Variants in EOGT observed in about 807,000 individuals in gnomAD.
The protein encoded by EOGT is EGF domain-specific O-linked N-acetylglucosamine transferase.
In EOGT, 55 loss-of-function variants were observed where a neutral mutation model predicts 70.5. That is an observed-to-expected ratio of 0.78 (90% CI 0.63 to 0.98). The LOEUF (loss-of-function observed/expected upper bound fraction) is 0.98. EOGT is among the 50% of genes least tolerant of loss of function. The pLI is 0.00. For missense variants in EOGT, 703 were observed against 641.9 expected (o/e 1.10, Z -1.03); for synonymous variants, 246 against 217.1 (o/e 1.13, Z -1.17).
chr3:68,986,936 G>A (rs1016524834), intron 14 of EOGT, among the ~76,000 whole-genome samples: 4 of 152,178 alleles, frequency 2.6e-5, no homozygotes, highest in Admixed American at 2.6e-4. Flanking sequence ...TGATGTTGTA[G>A]GTAGTGGCCT....
intron 17 of EOGT, 138 bp from the exon 18 acceptor site, chr3:68,977,902 G>A (rs921385493): frequency 2.0e-5 from 16 of 808,206 alleles, no homozygotes; most frequent in African/African-American, 3.5e-5. Context: ...TCCTGATAAG[G>A]GCCAGATGAT....
chr3:68,977,538 A>G lies in EOGT; in HGVS notation c.*80T>C. On this transcript the variant is annotated 3_prime_UTR_variant, in exon 18 of 18. Coordinates refer to ENST00000383701, the MANE Select transcript of EOGT (RefSeq NM_001278689.2). ...AGGTAATTCGGGGATAGGAAATAAC[A>G]GATTGCTTTACTGATTTAATTCTAA... 7 of 1,457,928 alleles carry G rather than the reference A, an allele frequency of 4.8e-6. No homozygotes were observed. In the South Asian group the frequency reaches 8.4e-5, roughly 18 times the overall value. The allele number at this position is 1,457,928 out of a possible 1,614,324, so 90.3% of individuals were successfully genotyped here. A position where few individuals can be genotyped will look rare whatever the true frequency, so the allele number is the denominator to read the frequency against.
chr3:68,979,150 C>T (rs1027171019), intron 16 of EOGT, among the ~76,000 whole-genome samples: 3 of 152,126 alleles, frequency 2.0e-5, no homozygotes, highest in Admixed American at 6.6e-5. Flanking sequence ...GTGCCAACAG[C>T]AGAATTATTA....
intron 10 of EOGT, among the ~76,000 whole-genome samples, chr3:68,997,432 G>A (rs956912708): frequency 6.6e-6 from 1 of 150,612 alleles, no homozygotes; most frequent in Non-Finnish European, 1.5e-5. Flanking sequence ...GCAGTGGCAC[G>A]ATCTCGGCTC....
chr3:68,982,916 C>G, intron 14 of EOGT, 44 bp from the exon 15 acceptor site: 1 of 1,521,550 alleles, frequency 6.6e-7, no homozygotes, highest in East Asian at 2.3e-5. Context: ...TTCCTTCTTT[C>G]ACTTCTGTTT....
intron 15 of EOGT, among the ~76,000 whole-genome samples, chr3:68,981,911 ATT>A (rs776620506): frequency 6.9e-6 from 1 of 145,662 alleles, no homozygotes. Context: ...CTAGTTGCCA[ATT>A]TTTTTTTTTT....
chr3:68,985,261 T>TACAAACACACACAC (rs1175339038), intron 14 of EOGT, among the ~76,000 whole-genome samples: 8 of 152,112 alleles, frequency 5.3e-5, no homozygotes, highest in Non-Finnish European at 2.9e-5. Context: ...AACACACACA[T>TACAAACACACACAC]ACAAACACAC....
chr3:68,977,656 G>T lies in EOGT; in HGVS notation c.1546C>A (p.Pro516Thr). 1 of 1,613,636 alleles carries T rather than the reference G, an allele frequency of 6.2e-7. No individual in the cohort carries two copies. The highest frequency in any genetic ancestry group is 8.5e-7 in the Non-Finnish European group (1 of 1,179,844). Residue 516 changes from proline to threonine, a missense_variant, in exon 18 of 18, where the codon CCA becomes ACA. Physicochemically the swap from Pro to Thr is conservative, Grantham distance 38. Transcript: ENST00000383701. ...TGTTTCTTCTTAAATGGCCACTTTGGGTGTTGCAATACGTGGTCTGCAGCC... is the reference window on the plus strand; with the variant it reads ...TGTTTCTTCTTAAATGGCCACTTTGTGTGTTGCAATACGTGGTCTGCAGCC... ...LQAADHVLQH[P>T]KWPFKKKHDE... is the part of the protein sequence containing the mutation.
Position 68,988,494 on chromosome 3 carries a change from C to A in EOGT, c.996+12G>T, listed in dbSNP as rs1487087596. On this transcript the variant is annotated intron_variant, in intron 12 of 17. Coordinates refer to ENST00000383701, the MANE Select transcript of EOGT (RefSeq NM_001278689.2). Reference sequence around the variant, plus strand: ...TGTAAATATGAATGCTAATGGTAGACAATGTGCTTACCAGAGGAGTATTAT... The same window carrying A: ...TGTAAATATGAATGCTAATGGTAGAAAATGTGCTTACCAGAGGAGTATTAT... 9.2e-6 allele frequency: 14 copies of A among 1,523,678 alleles called. No individual in the cohort carries two copies. Among genetic ancestry groups the A allele is most frequent in the Non-Finnish European group, 1.2e-5 (14 of 1,136,446 alleles). The allele number at this position is 1,523,678 out of a possible 1,614,324, so 94.4% of individuals were successfully genotyped here. A position where few individuals can be genotyped will look rare whatever the true frequency, so the allele number is the denominator to read the frequency against.
At chr3:68,987,826 G>A (rs2090860671) in intron 13 of EOGT, 2 of 426,602 alleles carry the variant, frequency 4.7e-6, no homozygotes, top group African/African-American at 2.0e-5. Context: ...GGGGAAAGGA[G>A]GACAGGAGGA....
rs1027397779 is a variant in EOGT, at chr3:68,984,802, C to T, written c.1153-1930G>A. ...AGCACTATACCTTTCTACTGGACTTCTCTGCAGTGGCCTGATGTTGTTCCT... is the reference window on the plus strand; with the variant it reads ...AGCACTATACCTTTCTACTGGACTTTTCTGCAGTGGCCTGATGTTGTTCCT... On this transcript the variant is annotated intron_variant, in intron 14 of 17. Coordinates refer to ENST00000383701, the MANE Select transcript of EOGT (RefSeq NM_001278689.2). 1.8e-4 allele frequency among the ~76,000 whole-genome samples: 28 copies of T among 152,182 alleles called. 1 individual carries two copies. The highest frequency in any genetic ancestry group is 3.5e-4 in the Non-Finnish European group (24 of 68,040).
intron 10 of EOGT, among the ~76,000 whole-genome samples, chr3:68,990,166 G>A (rs2090949672): frequency 6.6e-6 from 1 of 151,992 alleles, no homozygotes; most frequent in African/African-American, 2.4e-5. Flanking sequence ...AGCCTAATGA[G>A]TTGATAATAT....
chr3:68,984,122 C>A (rs1235124997), intron 14 of EOGT, among the ~76,000 whole-genome samples: 4 of 152,114 alleles, frequency 2.6e-5, no homozygotes. Context: ...TCTTCTGACC[C>A]CAGAACCTGC....
At chr3:68,979,634 T>C in intron 16 of EOGT, 34 bp downstream of exon 16, 1 of 1,607,624 alleles carries the variant, frequency 6.2e-7, no homozygotes, top group Non-Finnish European at 8.5e-7. Context: ...GCATTATCAG[T>C]TGCTTCAGTG....
At chr3:69,010,825 AT>A (rs2091557361) in intron 3 of EOGT, among the ~76,000 whole-genome samples, 1 of 152,236 alleles carries the variant, frequency 6.6e-6, no homozygotes, top group Admixed American at 6.5e-5. Flanking sequence ...TGAATAAAAA[AT>A]TATAATCATA....
At chr3:68,977,788 A>C in intron 17 of EOGT, 24 bp from the exon 18 acceptor site, 1 of 1,599,912 alleles carries the variant, frequency 6.3e-7, no homozygotes, top group Non-Finnish European at 8.5e-7. Context: ...CCAAAACACG[A>C]ATCCATAACT....
At chr3:69,006,662 T>C (rs2091445913) in intron 6 of EOGT, among the ~76,000 whole-genome samples, 1 of 152,198 alleles carries the variant, frequency 6.6e-6, no homozygotes, top group African/African-American at 2.4e-5. Flanking sequence ...GCAGAGGAAA[T>C]TGAAACAAGG....
chr3:68,991,950 G>A (rs1425158671), intron 10 of EOGT, among the ~76,000 whole-genome samples: 1 of 152,176 alleles, frequency 6.6e-6, no homozygotes. Context: ...CAGATCTCAT[G>A]AGACTTATTC....
rs552792546 is a variant in EOGT, at chr3:69,008,810, A to T, written c.211-282T>A. On this transcript the variant is annotated intron_variant, in intron 4 of 17. Transcript: ENST00000383701. ...GACCACTTGAATTTGAATTTCTTGA[A>T]GTAGCTTAAGAAACCACCTTTCTCA... Among the ~76,000 whole-genome samples the T allele has an allele frequency of 4.2e-3, 645 of 152,374 alleles. 2 individuals carry two copies. Among genetic ancestry groups the T allele is most frequent in the Non-Finnish European group, 6.2e-3 (419 of 68,038 alleles).
Sources: gnomAD v4.1 joint callset for allele counts (sites outside exome capture counted in the v4.1 genomes callset) on GRCh38, gnomAD v4.1.1 for gene constraint, MANE v1.5 for transcripts, NCBI Gene and HGNC (gene_info 2026-07-23, HGNC 2026-07-21) for gene names.